Variants in SHANK1 observed in about 807,000 individuals in gnomAD.
SHANK1 encodes the protein SH3 and multiple ankyrin repeat domains 1.
In SHANK1, 35 loss-of-function variants were observed where a neutral mutation model predicts 165.6. The ratio of observed to expected loss-of-function variants is 0.21; its 90% CI spans 0.16 to 0.28. SHANK1 has a LOEUF of 0.28. SHANK1 is among the 10% of genes least tolerant of loss of function. SHANK1 has a pLI of 1.00. For missense variants in SHANK1, 2,681 were observed against 3,036.4 expected, an observed-to-expected ratio of 0.88 and a Z score of 2.75; for synonymous variants, 1,428 against 1,384.8, an observed-to-expected ratio of 1.03 and a Z score of -0.69.
chr19:50,679,315 A>ACG (rs1178307479), intron 21 of SHANK1, among the ~76,000 whole-genome samples: 4 of 151,634 alleles, frequency 2.6e-5, no homozygotes, highest in African/African-American at 9.7e-5. Context: ...AGAGTGACAG[A>ACG]CGCCTCGTCA....
Position 50,668,864 on chromosome 19 carries a change from G to A in SHANK1, c.3096C>T (p.Pro1032=). 7.7e-7 allele frequency: 1 copy of A among 1,290,966 alleles called. No individual in the cohort carries two copies. Among genetic ancestry groups the A allele is most frequent in the Non-Finnish European group, 9.8e-7 (1 of 1,025,030 alleles). The allele number at this position is 1,290,966 out of a possible 1,614,324, so 80.0% of individuals were successfully genotyped here. A position where few individuals can be genotyped will look rare whatever the true frequency, so the allele number is the denominator to read the frequency against. The change falls in exon 23 of 24, where the codon CCC becomes CCT. Residue 1032 remains proline, a synonymous_variant. Coordinates refer to ENST00000293441, the MANE Select transcript of SHANK1 (RefSeq NM_016148.5). The part of the protein sequence containing the change: ...HPPEMETGGS[P]DDPPPRLALG... Reference sequence around the variant, plus strand: ...GAGCCAGGCGGGGTGGAGGGTCGTCGGGAGAGCCGCCTGTCTCCATCTCGG... The same window carrying A: ...GAGCCAGGCGGGGTGGAGGGTCGTCAGGAGAGCCGCCTGTCTCCATCTCGG...
intron 15 of SHANK1, among the ~76,000 whole-genome samples, chr19:50,695,837 C>T (rs1986721467): frequency 6.6e-6 from 1 of 152,144 alleles, no homozygotes; most frequent in African/African-American, 2.4e-5. Context: ...GCGAACACAC[C>T]ACCACAGCTC....
chr19:50,694,652 G>C (rs995881267), intron 15 of SHANK1, among the ~76,000 whole-genome samples: 4 of 139,780 alleles, frequency 2.9e-5, no homozygotes, highest in Non-Finnish European at 6.3e-5. Flanking sequence ...CAGGGCTGAC[G>C]AGTGCGTATT....
intron 8 of SHANK1, among the ~76,000 whole-genome samples, chr19:50,704,723 C>T (rs1404182058): frequency 6.6e-6 from 1 of 151,826 alleles, no homozygotes; most frequent in Non-Finnish European, 1.5e-5. Flanking sequence ...ACCATGCATG[C>T]GAACTACACA....
chr19:50,694,995 G>C lies in SHANK1; in HGVS notation c.1964+2101C>G, dbSNP rs867668736. ...GCGGCTGCGGCAGGGAGCTCCCACC[G>C]GGGCCGCCCCCGAGACCCCCGCCGC... On this transcript the variant is annotated intron_variant, in intron 15 of 23. Coordinates refer to ENST00000293441, the MANE Select transcript of SHANK1 (RefSeq NM_016148.5). Among the ~76,000 whole-genome samples the C allele has an allele frequency of 5.0e-3, 744 of 149,044 alleles. 7 individuals are homozygous for C. Among genetic ancestry groups the C allele is most frequent in the Middle Eastern group, 0.017 (5 of 288 alleles).
chr19:50,660,947 G>A lies in SHANK1; in HGVS notation c.*1018C>T, dbSNP rs1249495894. On this transcript the variant is annotated 3_prime_UTR_variant, in exon 24 of 24. Transcript: ENST00000293441. ...AGGGGCAAGAGGGAAGGCGGGGGGT[G>A]GGGGGCTAGGAGTGTCATGGTGAGA... 5.3e-5 allele frequency among the ~76,000 whole-genome samples: 8 copies of A among 151,690 alleles called. No individual in the cohort carries two copies. Among genetic ancestry groups the A allele is most frequent in the Non-Finnish European group, 8.8e-5 (6 of 67,948 alleles).
Position 50,703,513 on chromosome 19 carries a change from G to C in SHANK1, c.1540C>G (p.Arg514Gly), listed in dbSNP as rs1250206534. Residue 514 changes from arginine to glycine, a missense_variant, in exon 11 of 24, where the codon CGA becomes GGA. Physicochemically the swap from Arg to Gly is moderately radical, Grantham distance 125. Around this residue, in one of 10 missense-constraint regions of SHANK1, gnomAD observed 195 missense variants for 186.2 expected, o/e 1.05. Transcript: ENST00000293441. Reference protein sequence around the residue: ...RHPEDAKRQPRGRPSSSGTPR... With the variant: ...RHPEDAKRQPGGRPSSSGTPR... ...TGCCTCCCCTACCTGGGCCGGCCTC[G>C]GGGCTGCCTCTTGGCGTCCTCAGGG... The C allele has an allele frequency of 6.5e-7, 1 of 1,541,554 alleles. No individual in the cohort carries two copies. Among genetic ancestry groups the C allele is most frequent in the Admixed American group, 1.9e-5 (1 of 51,822 alleles).
In SHANK1 at chr19:50,712,123, G is replaced by A. The variant is rs374303938; in HGVS notation, c.793-9C>T. Reference sequence around the variant, plus strand: ...CCAAGGTCCAGGAGCGCCTAGGAACGGAGAGAGAACCCAGTAGAAAAACAC... The same window carrying A: ...CCAAGGTCCAGGAGCGCCTAGGAACAGAGAGAGAACCCAGTAGAAAAACAC... On this transcript the variant is annotated splice_polypyrimidine_tract_variant and intron_variant, in intron 6 of 23. Coordinates refer to ENST00000293441, the MANE Select transcript of SHANK1 (RefSeq NM_016148.5). The A allele has an allele frequency of 2.9e-5, 46 of 1,570,906 alleles. No individual in the cohort carries two copies. In the African/African-American group the frequency reaches 4.0e-4, roughly 14 times the overall value.
intron 21 of SHANK1, among the ~76,000 whole-genome samples, chr19:50,673,476 G>T (rs1275074381): frequency 6.6e-6 from 1 of 151,982 alleles, no homozygotes; most frequent in Non-Finnish European, 1.5e-5. Context: ...CCCTCTTATT[G>T]TCACAGTTCC....
At position 50,667,816 on chromosome 19, in the gene SHANK1, A is replaced by G; in HGVS notation, c.4144T>C (p.Ser1382Pro). The G allele has an allele frequency of 3.1e-6, 4 of 1,291,302 alleles. No individual in the cohort carries two copies. Among genetic ancestry groups the G allele is most frequent in the Non-Finnish European group, 3.9e-6 (4 of 1,024,332 alleles). 80.0% of individuals were successfully genotyped at this position (1,291,302 alleles called of 1,614,324 possible). A position where few individuals can be genotyped will look rare whatever the true frequency, so the allele number is the denominator to read the frequency against. Residue 1382 changes from serine to proline, a missense_variant, in exon 23 of 24, where the codon TCG becomes CCG. This residue lies in a region of SHANK1 where 1,713 missense variants were observed against 1,630.2 expected (regional missense o/e 1.05). Coordinates refer to ENST00000293441, the MANE Select transcript of SHANK1 (RefSeq NM_016148.5). The surrounding 1 kb of genome is among the most constrained non-coding windows in gnomAD (Gnocchi z 5.7). ...GGCGGCGGGGCCTCGTAGCGGGGCG[A>G]TGGGGGCCTGGGAGGCGGCTGGGGG... is the stretch of plus-strand genomic sequence containing the variant. Reference protein sequence around the residue: ...GAPQPPPRPPSPRYEAPPPTP... With the variant: ...GAPQPPPRPPPPRYEAPPPTP...
rs1285019438 is a variant in SHANK1, at chr19:50,668,819, C to A, written c.3141G>T (p.Leu1047=). 16 of 1,267,660 alleles carry A rather than the reference C, an allele frequency of 1.3e-5. No homozygotes were observed. The South Asian group carries it at 4.2e-4, about 34-fold the overall frequency. The allele number at this position is 1,267,660 out of a possible 1,614,324, so 78.5% of individuals were successfully genotyped here. Residue 1047 remains leucine, a synonymous_variant, in exon 23 of 24, where the codon CTG becomes CTT. Transcript: ENST00000293441. ...PRLALGPQPS[L]RGWRGGGPSP... is the part of the protein sequence containing the mutation. ...TGGGCCCGCCGCCCCTCCAGCCTCG[C>A]AGGCTGGGCTGGGGCCCCAGAGCCA...
intron 6 of SHANK1, among the ~76,000 whole-genome samples, chr19:50,712,911 TGG>T (rs1175065976): frequency 6.6e-6 from 1 of 152,154 alleles, no homozygotes; most frequent in African/African-American, 2.4e-5. Context: ...AGGTGGCCAG[TGG>T]CTACTGGCTT....
chr19:50,686,867 C>CG lies in SHANK1; in HGVS notation c.2390-56dup. ...GGGAGCCCCCGGGGGCGGGGCGGAGCGGGCTCGGCCTGTGGGCGTGGCCAG... is the reference window on the plus strand; with the variant it reads ...GGGAGCCCCCGGGGGCGGGGCGGAGCGGGGCTCGGCCTGTGGGCGTGGCCAG... On this transcript the variant is annotated intron_variant, in intron 19 of 23. Transcript: ENST00000293441. The surrounding 1 kb of genome is among the most constrained non-coding windows in gnomAD (Gnocchi z 5.7). 1 of 1,600,602 alleles carries CG rather than the reference C, an allele frequency of 6.2e-7. No individual in the cohort carries two copies. Among genetic ancestry groups the CG allele is most frequent in the Non-Finnish European group, 8.5e-7 (1 of 1,171,082 alleles).
At position 50,660,428 on chromosome 19, in the gene SHANK1, T is replaced by G. The variant is rs945286025; in HGVS notation, c.*1537A>C. On this transcript the variant is annotated 3_prime_UTR_variant, in exon 24 of 24. Coordinates refer to ENST00000293441, the MANE Select transcript of SHANK1 (RefSeq NM_016148.5). ...GGAAGCATGGTGAGCAGGAAGCCAG[T>G]GTGCATAGGGTCTTCTCTCACCAGG... Among the ~76,000 whole-genome samples the G allele has an allele frequency of 6.6e-6, 1 of 151,806 alleles. No individual in the cohort carries two copies. The highest frequency in any genetic ancestry group is 1.5e-5 in the Non-Finnish European group (1 of 67,954).
intron 22 of SHANK1, among the ~76,000 whole-genome samples, chr19:50,669,766 G>T (rs926663019): frequency 7.2e-6 from 1 of 138,242 alleles, no homozygotes; most frequent in African/African-American, 3.0e-5. Context: ...AAAGGGATTG[G>T]ATCTATAAAA....
intron 5 of SHANK1, 88 bp downstream of exon 5, chr19:50,714,094 G>A: frequency 6.6e-7 from 1 of 1,525,432 alleles, no homozygotes; most frequent in Admixed American, 1.8e-5. Flanking sequence ...GGAGACACCA[G>A]TCAGGAATGG....
At position 50,669,127 on chromosome 19, in the gene SHANK1, G is replaced by A. The variant is rs767706284; in HGVS notation, c.2833C>T (p.Leu945Phe). ...GGCCCTCCCCGAGGGGAGGGGGTGAGGCGCCCTGAGGAGGAGGGGACTGGA... is the reference window on the plus strand; with the variant it reads ...GGCCCTCCCCGAGGGGAGGGGGTGAAGCGCCCTGAGGAGGAGGGGACTGGA... Reference protein sequence around the residue: ...TPPVPSSSGRLTPSPRGGPFN... With the variant: ...TPPVPSSSGRFTPSPRGGPFN... The change falls in exon 23 of 24, where the codon CTC becomes TTC. Residue 945 changes from leucine (L) to phenylalanine (F), a missense_variant. This residue lies in a region of SHANK1 where 1,713 missense variants were observed against 1,630.2 expected (regional missense o/e 1.05). Coordinates refer to ENST00000293441, the MANE Select transcript of SHANK1 (RefSeq NM_016148.5). The A allele has an allele frequency of 2.6e-6, 4 of 1,528,920 alleles. No individual in the cohort carries two copies. In the East Asian group the frequency reaches 7.5e-5, roughly 29 times the overall value. The allele number at this position is 1,528,920 out of a possible 1,614,324, so 94.7% of individuals were successfully genotyped here.
At chr19:50,689,007 G>T (rs1421270423) in intron 16 of SHANK1, 39 bp from the exon 17 acceptor site, 2 of 1,443,154 alleles carry the variant, frequency 1.4e-6, no homozygotes, top group East Asian at 2.5e-5. Flanking sequence ...GGAGGGGAGG[G>T]GGTGGAGAGG....
chr19:50,676,725 A>G (rs1985996847), intron 21 of SHANK1, among the ~76,000 whole-genome samples: 1 of 151,396 alleles, frequency 6.6e-6, no homozygotes. Context: ...CCACCCCAAT[A>G]CTCTTTCTAC....
Sources: allele counts gnomAD v4.1 joint callset (sites outside exome capture counted in the v4.1 genomes callset), GRCh38; gene constraint gnomAD v4.1.1; regional missense constraint gnomAD v4.1.1; non-coding constraint Gnocchi (gnomAD v3.1); transcripts MANE v1.5; gene names NCBI Gene and HGNC (gene_info 2026-07-23, HGNC 2026-07-21).